Variants in EPHA4 observed in about 807,000 individuals in gnomAD.
The protein encoded by EPHA4 is EPH receptor A4, also known as ephrin type-A receptor 4.
EPHA4 carries 19 observed loss-of-function variants against 108.3 expected under a neutral mutation model. That is an observed-to-expected ratio of 0.18 (90% confidence interval 0.12 to 0.26). The LOEUF (loss-of-function observed/expected upper bound fraction) is 0.26. Ranked by LOEUF, EPHA4 falls within the 10% of genes least tolerant of loss-of-function variation. The probability of loss-of-function intolerance (pLI) is 1.00; values close to 1 mark genes in which losing one functional copy is unlikely to be tolerated. For synonymous variants in EPHA4, 449 were observed against 455.5 expected, an observed-to-expected ratio of 0.99 and a Z score of 0.18; for missense variants, 917 against 1,254.0, an observed-to-expected ratio of 0.73 and a Z score of 4.06.
chr2:221,523,292 A>ATT (rs1175259687), intron 3 of EPHA4, among the ~76,000 whole-genome samples: 1 of 147,292 alleles, frequency 6.8e-6, no homozygotes, highest in South Asian at 2.2e-4. Flanking sequence ...TTAGTCAATA[A>ATT]TTTTTTTTTT....
At chr2:221,461,795 G>A (rs1349361796) in intron 5 of EPHA4, among the ~76,000 whole-genome samples, 8 of 152,058 alleles carry the variant, frequency 5.3e-5, no homozygotes, top group Admixed American at 1.3e-4. Context: ...TCAAGTCAGA[G>A]GGCCCATTTT....
Position 221,418,872 on chromosome 2 carries a change from T to A in EPHA4, c.*2500A>T, listed in dbSNP as rs1055958167. The A allele has an allele frequency of 6.6e-6, 1 of 152,614 alleles. No individual in the cohort carries two copies. Among genetic ancestry groups the A allele is most frequent in the Admixed American group, 6.5e-5 (1 of 15,288 alleles). 9.5% of individuals were successfully genotyped at this position (152,614 alleles called of 1,614,324 possible). Reference sequence around the variant, plus strand: ...AGTCAACCTCATTTCTTTATACATATTTTTCAGGCATCAATGCATAGGCAC... The same window carrying A: ...AGTCAACCTCATTTCTTTATACATAATTTTCAGGCATCAATGCATAGGCAC... On this transcript the variant is annotated 3_prime_UTR_variant, in exon 18 of 18. Transcript: ENST00000281821.
Position 221,425,816 on chromosome 2 carries a change from T to C in EPHA4, c.*212A>G, listed in dbSNP as rs954865208. The C allele has an allele frequency of 1.8e-6, 1 of 561,372 alleles. No individual in the cohort carries two copies. The highest frequency in any genetic ancestry group is 2.2e-5 in the South Asian group (1 of 44,472). 34.8% of individuals were successfully genotyped at this position (561,372 alleles called of 1,614,324 possible). ...AAAAGTACTTCTGAGAAACGATTTG[T>C]TCCAGGTCTCATTCAAATGACCGGC... On this transcript the variant is annotated 3_prime_UTR_variant, in exon 17 of 18. Transcript: ENST00000281821.
At chr2:221,518,143 G>T (rs1472981120) in intron 3 of EPHA4, among the ~76,000 whole-genome samples, 1 of 152,110 alleles carries the variant, frequency 6.6e-6, no homozygotes, top group African/African-American at 2.4e-5. Context: ...TGGTTTTCAG[G>T]AAAACTGAGA....
intron 14 of EPHA4, among the ~76,000 whole-genome samples, chr2:221,432,030 A>G (rs1198162194): frequency 6.6e-6 from 1 of 152,082 alleles, no homozygotes. Context: ...ATAGATCAAT[A>G]TTATTTGTGA....
At chr2:221,551,005 TAGTTA>T in intron 3 of EPHA4, among the ~76,000 whole-genome samples, 1 of 152,136 alleles carries the variant, frequency 6.6e-6, no homozygotes, top group East Asian at 1.9e-4. Flanking sequence ...TCTGATATTA[TAGTTA>T]AGTTATATCC....
At chr2:221,566,913 GGAGA>G (rs1694667870) in intron 2 of EPHA4, among the ~76,000 whole-genome samples, 2 of 49,236 alleles carry the variant, frequency 4.1e-5, no homozygotes, top group African/African-American at 1.2e-4. Flanking sequence ...AGAAGGAGAA[GGAGA>G]AGGAGAAGGA....
At chr2:221,486,110 A>G (rs1691965898) in intron 4 of EPHA4, among the ~76,000 whole-genome samples, 2 of 152,318 alleles carry the variant, frequency 1.3e-5, no homozygotes, top group South Asian at 4.1e-4. Flanking sequence ...TAAGTCTCCA[A>G]TTACAAATAT....
intron 4 of EPHA4, among the ~76,000 whole-genome samples, chr2:221,489,857 C>T (rs1692086865): frequency 6.6e-6 from 1 of 152,146 alleles, no homozygotes; most frequent in Non-Finnish European, 1.5e-5. Flanking sequence ...TACCATAGCA[C>T]TATGGCTGAG....
intron 3 of EPHA4, among the ~76,000 whole-genome samples, chr2:221,540,648 C>G (rs1693807803): frequency 6.6e-6 from 1 of 152,156 alleles, no homozygotes; most frequent in Non-Finnish European, 1.5e-5. Context: ...TATAAGGGAC[C>G]AGGAGTTATT....
chr2:221,570,707 C>T (rs1694806550), intron 1 of EPHA4, among the ~76,000 whole-genome samples: 1 of 151,400 alleles, frequency 6.6e-6, no homozygotes, highest in African/African-American at 2.4e-5. Context: ...ATAGATTACA[C>T]AGGGATGGAT....
intron 8 of EPHA4, among the ~76,000 whole-genome samples, chr2:221,452,160 C>T (rs1419200962): frequency 6.6e-6 from 1 of 152,220 alleles, no homozygotes; most frequent in Non-Finnish European, 1.5e-5. Flanking sequence ...TCTTGCATGC[C>T]ATCAGCAGAG....
At chr2:221,543,804 C>G (rs1351349302) in intron 3 of EPHA4, among the ~76,000 whole-genome samples, 4 of 152,110 alleles carry the variant, frequency 2.6e-5, no homozygotes, top group Non-Finnish European at 5.9e-5. Context: ...ATTCACACAT[C>G]CAGAAAAGTC....
intron 10 of EPHA4, 34 bp downstream of exon 10, chr2:221,443,459 A>T: frequency 6.7e-7 from 1 of 1,481,772 alleles, no homozygotes. Context: ...CCAAGAAAAC[A>T]GACTCATTAG....
At chr2:221,564,501 T>C in intron 2 of EPHA4, 107 bp from the exon 3 acceptor site, 1 of 1,103,386 alleles carries the variant, frequency 9.1e-7, no homozygotes, top group Admixed American at 2.3e-5. Context: ...CTTTCAATAA[T>C]GAAGCAAACT....
intron 4 of EPHA4, among the ~76,000 whole-genome samples, chr2:221,488,678 T>C (rs1692048461): frequency 6.6e-6 from 1 of 152,152 alleles, no homozygotes. Flanking sequence ...AGCCACATGA[T>C]AGTAGATACA....
chr2:221,550,970 AT>A lies in EPHA4; in HGVS notation c.823+12760del, dbSNP rs202094821. Among the ~76,000 whole-genome samples the A allele has an allele frequency of 7.2e-4, 110 of 152,206 alleles. 2 individuals are homozygous for A. In the East Asian group the frequency reaches 0.016, roughly 22 times the overall value. On this transcript the variant is annotated intron_variant, in intron 3 of 17. Transcript: ENST00000281821. ...TTCACTCCTCTGAGAAGTGTTTAAAATTAATATGATATTAAGAAAATAGATC... is the reference window on the plus strand; with the variant it reads ...TTCACTCCTCTGAGAAGTGTTTAAAATAATATGATATTAAGAAAATAGATC...
upstream of EPHA4, chr2:221,573,945 G>C (rs1694927114): frequency 6.6e-6 from 1 of 152,270 alleles, no homozygotes; most frequent in African/African-American, 2.4e-5. This position sits in a 1 kb window ranked among gnomAD's most constrained non-coding sequence, Gnocchi z 4.5. Flanking sequence ...GTTTCAAGGA[G>C]AAACTCCTAA....
chr2:221,492,140 G>A (rs980356510), intron 4 of EPHA4, among the ~76,000 whole-genome samples: 1 of 152,154 alleles, frequency 6.6e-6, no homozygotes, highest in Non-Finnish European at 1.5e-5. Flanking sequence ...ATGGCATCCA[G>A]AAATGACAGG....
Sources: gnomAD v4.1 joint callset for allele counts (sites outside exome capture counted in the v4.1 genomes callset) on GRCh38, gnomAD v4.1.1 for gene constraint, Gnocchi (gnomAD v3.1) non-coding constraint, MANE v1.5 for transcripts, NCBI Gene and HGNC (gene_info 2026-07-23, HGNC 2026-07-21) for gene names.